PKP3: variants seen among roughly 807,000 people sequenced by gnomAD.
PKP3 encodes plakophilin-3.
In PKP3, 66 loss-of-function variants were observed where a neutral mutation model predicts 76.5. The ratio of observed to expected loss-of-function variants is 0.86; its 90% confidence interval spans 0.71 to 1.06. The LOEUF is 1.06. Among genes scored for constraint, PKP3 ranks in the 50% least tolerant of loss-of-function variants. PKP3 has a pLI of 0.00. For synonymous variants in PKP3, 638 were observed against 516.5 expected (o/e 1.24, Z -3.19); for missense variants, 1,338 against 1,141.0 (o/e 1.17, Z -2.49).
intron 7 of PKP3, 32 bp downstream of exon 7, chr11:400,483 C>T (rs1032511400): frequency 6.6e-7 from 1 of 1,512,384 alleles, no homozygotes; most frequent in South Asian, 1.2e-5. Context: ...AGGGGCCGTG[C>T]CCCCGGGCCG....
Position 396,968 on chromosome 11 carries a change from C to T in PKP3, c.467C>T (p.Pro156Leu), listed in dbSNP as rs775875945. 3 of 1,598,170 alleles carry T rather than the reference C, an allele frequency of 1.9e-6. No homozygotes were observed. Among genetic ancestry groups the T allele is most frequent in the South Asian group, 2.2e-5 (2 of 90,612 alleles). The change falls in exon 3 of 13, where the codon CCC (proline) becomes CTC (leucine). Residue 156 changes from proline (P) to leucine (L), a missense_variant. By Grantham distance (98) the Pro-to-Leu change is moderately conservative. Coordinates refer to ENST00000331563, the MANE Select transcript of PKP3 (RefSeq NM_007183.4). Reference protein sequence around the residue: ...AGYGGAQPTPPMPTRPVSFHE... With the variant: ...AGYGGAQPTPLMPTRPVSFHE... The stretch of plus-strand genomic sequence containing the variant: ...TACGGGGGTGCCCAGCCCACCCCTC[C>T]CATGCCCACCAGGCCCGTGTCCTTC...
chr11:392,661 G>T, upstream of PKP3: 1 of 1,287,024 alleles, frequency 7.8e-7, no homozygotes, highest in Non-Finnish European at 1.0e-6. Flanking sequence ...GTCAGCAGTG[G>T]CCTCTGGGAT....
At chr11:392,669 G>A, upstream of PKP3, 1 of 1,286,998 alleles carries the variant, frequency 7.8e-7, no homozygotes, top group Non-Finnish European at 1.0e-6. Flanking sequence ...TGGCCTCTGG[G>A]ATGAGCTGGG....
intron 6 of PKP3, 55 bp from the exon 7 acceptor site, chr11:400,279 G>T (rs1847129386): frequency 1.4e-6 from 2 of 1,475,794 alleles, no homozygotes; most frequent in Non-Finnish European, 1.8e-6. Flanking sequence ...GATGGGTTGG[G>T]GCAAGGCCCG....
At position 404,405 on chromosome 11, in the gene PKP3, G is replaced by T; in HGVS notation, c.2358+82G>T. The T allele has an allele frequency of 6.8e-7, 1 of 1,469,748 alleles. No homozygotes were observed. The highest frequency in any genetic ancestry group is 9.5e-7 in the Non-Finnish European group (1 of 1,049,986). The allele number at this position is 1,469,748 out of a possible 1,614,324, so 91.0% of individuals were successfully genotyped here. ...GGGGAGGGTCAGTGAAGAGGCCCAT[G>T]GGAGGATGGAGACCAGGGACCCAGA... On this transcript the variant is annotated intron_variant, in intron 12 of 12. Coordinates refer to ENST00000331563, the MANE Select transcript of PKP3 (RefSeq NM_007183.4). This position sits in a 1 kb window ranked among gnomAD's most constrained non-coding sequence, Gnocchi z 4.2.
rs545061960 is a variant in PKP3, at chr11:400,671, G to A, written c.1703G>A (p.Gly568Asp). The A allele has an allele frequency of 2.3e-6, 3 of 1,319,734 alleles. No homozygotes were observed. The highest frequency in any genetic ancestry group is 3.7e-5 in the South Asian group (2 of 54,340). 81.8% of individuals were successfully genotyped at this position (1,319,734 alleles called of 1,614,324 possible). ...LAGAPPGEVV[G>D]CFTPQSRRLR... The stretch of plus-strand genomic sequence containing the variant: ...GGGGCGCCGCCGGGAGAGGTCGTGG[G>A]CTGCTTCACGCCGCAGAGCCGGCGG... The change falls in exon 8 of 13, where the codon GGC (glycine) becomes GAC (aspartate). Residue 568 changes from glycine (G) to aspartate (D), a missense_variant. Gly to Asp is a moderately conservative substitution (Grantham distance 94). Transcript: ENST00000331563.
At chr11:393,140 G>C (rs1240495741), upstream of PKP3, among the ~76,000 whole-genome samples, 5 of 146,960 alleles carry the variant, frequency 3.4e-5, no homozygotes. Flanking sequence ...CCAGAGGCTA[G>C]AGGGCCTCAG....
chr11:400,461 G>A lies in PKP3; in HGVS notation c.1566+10G>A. 1 of 1,536,514 alleles carries A rather than the reference G, an allele frequency of 6.5e-7. No homozygotes were observed. Among genetic ancestry groups the A allele is most frequent in the South Asian group, 1.2e-5 (1 of 83,346 alleles). ...CAAATGCGAGGACAAGGTGAGGGGC[G>A]CGGTGTGGAGGAGGGGCCGTGCCCC... On this transcript the variant is annotated intron_variant, in intron 7 of 12. Coordinates refer to ENST00000331563, the MANE Select transcript of PKP3 (RefSeq NM_007183.4).
rs1847133583 is a variant in PKP3, at chr11:400,451, G to T, written c.1566G>T (p.Lys522Asn). 1.9e-6 allele frequency: 3 copies of T among 1,543,274 alleles called. No homozygotes were observed. Among genetic ancestry groups the T allele is most frequent in the Non-Finnish European group, 2.6e-6 (3 of 1,144,014 alleles). The part of the protein sequence containing the change: ...HALDAGKCED[K>N]SVENAVCVLR... ...TGGACGCGGGCAAATGCGAGGACAAGGTGAGGGGCGCGGTGTGGAGGAGGG... is the reference window on the plus strand; with the variant it reads ...TGGACGCGGGCAAATGCGAGGACAATGTGAGGGGCGCGGTGTGGAGGAGGG... The change falls in exon 7 of 13, where the codon AAG (lysine) becomes AAT (asparagine). Residue 522 changes from lysine (K) to asparagine (N), a missense_variant and splice_region_variant. Transcript: ENST00000331563.
At position 399,713 on chromosome 11, in the gene PKP3, GTGGTTT is replaced by G. The variant is rs1336569653; in HGVS notation, c.1274-251_1274-246del. On this transcript the variant is annotated intron_variant, in intron 5 of 12. Transcript: ENST00000331563. ...CCTGGACCCCCGGCCACCCTGTCCT[GTGGTTT>G]TGTCTCCTTGGAGCCGCCTGCACTG... 2.0e-5 allele frequency among the ~76,000 whole-genome samples: 3 copies of G among 150,064 alleles called. No homozygotes were observed. The East Asian group carries it at 6.0e-4, about 30-fold the overall frequency.
At chr11:396,199 G>A in intron 1 of PKP3, 1 of 189,764 alleles carries the variant, frequency 5.3e-6, no homozygotes, top group Non-Finnish European at 1.1e-5. Context: ...TGAGGTTTGG[G>A]CACAGGAGGG....
chr11:404,339 C>G lies in PKP3; in HGVS notation c.2358+16C>G. The G allele has an allele frequency of 6.2e-7, 1 of 1,606,860 alleles. No homozygotes were observed. ...CTTCCGGGCGGTACGTTTCCCGAGC[C>G]CAGGGCAAGCAGGGACCCGGGTGCA... is the stretch of plus-strand genomic sequence containing the variant. On this transcript the variant is annotated intron_variant, in intron 12 of 12. Coordinates refer to ENST00000331563, the MANE Select transcript of PKP3 (RefSeq NM_007183.4). This position sits in a 1 kb window ranked among gnomAD's most constrained non-coding sequence, Gnocchi z 4.2.
At chr11:394,202 G>A, upstream of PKP3, 1 of 1,381,322 alleles carries the variant, frequency 7.2e-7, no homozygotes, top group African/African-American at 1.5e-5. Flanking sequence ...GGCTGGGCGG[G>A]GACTTCAGGG....
chr11:397,604 T>A lies in PKP3; in HGVS notation c.1010T>A (p.Val337Glu), dbSNP rs753442379. The A allele has an allele frequency of 6.2e-7, 1 of 1,612,064 alleles. No homozygotes were observed. Among genetic ancestry groups the A allele is most frequent in the Non-Finnish European group, 8.5e-7 (1 of 1,179,526 alleles). The change falls in exon 4 of 13, where the codon GTG (valine) becomes GAG (glutamate). Residue 337 changes from valine to glutamate, a missense_variant. Transcript: ENST00000331563. Reference sequence around the variant, plus strand: ...ATGGCTTCAGACCCCAACCTGCAGGTGCTGGGAGCGGCCTACATCCAGCAC... The same window carrying A: ...ATGGCTTCAGACCCCAACCTGCAGGAGCTGGGAGCGGCCTACATCCAGCAC... ...YLMASDPNLQ[V>E]LGAAYIQHKC...
In PKP3 at chr11:397,331, G is replaced by A. The variant is rs200371913; in HGVS notation, c.830G>A (p.Arg277Gln). The change falls in exon 3 of 13, where the codon CGA becomes CAA. Residue 277 changes from arginine to glutamine, a missense_variant. Physicochemically the swap from Arg to Gln is conservative, Grantham distance 43. Coordinates refer to ENST00000331563, the MANE Select transcript of PKP3 (RefSeq NM_007183.4). The part of the protein sequence containing the change: ...VPGAVLEPVA[R>Q]APSVRSLSLS... ...GGGGCCGTCCTGGAGCCAGTGGCTC[G>A]AGCGCCATCTGTGCGCAGCCTCAGC... is the stretch of plus-strand genomic sequence containing the variant. The A allele has an allele frequency of 8.2e-5, 129 of 1,571,530 alleles. No individual in the cohort carries two copies. The highest frequency in any genetic ancestry group is 2.4e-4 in the South Asian group (21 of 87,680).
At chr11:400,801 C>T (rs1260155462) in intron 8 of PKP3, 96 bp downstream of exon 8, 1 of 559,046 alleles carries the variant, frequency 1.8e-6, no homozygotes, top group African/African-American at 2.4e-5. Context: ...ACCCCCGCCC[C>T]GCTCACCCCG....
chr11:397,334 C>G lies in PKP3; in HGVS notation c.833C>G (p.Ala278Gly). 2 of 1,578,466 alleles carry G rather than the reference C, an allele frequency of 1.3e-6. No individual in the cohort carries two copies. The highest frequency in any genetic ancestry group is 1.7e-6 in the Non-Finnish European group (2 of 1,165,714). ...GCCGTCCTGGAGCCAGTGGCTCGAG[C>G]GCCATCTGTGCGCAGCCTCAGCCTC... Reference protein sequence around the residue: ...PGAVLEPVARAPSVRSLSLSL... With the variant: ...PGAVLEPVARGPSVRSLSLSL... Residue 278 changes from alanine to glycine, a missense_variant, in exon 3 of 13, where the codon GCG becomes GGG. Coordinates refer to ENST00000331563, the MANE Select transcript of PKP3 (RefSeq NM_007183.4).
chr11:397,915 AC>A lies in PKP3; in HGVS notation c.1068+255del, dbSNP rs1417990079. On this transcript the variant is annotated intron_variant, in intron 4 of 12. Transcript: ENST00000331563. ...CCGTACACCCGCACACACCTGCGTCACCTCCGTACCCCCACATATACCTCAT... is the reference window on the plus strand; with the variant it reads ...CCGTACACCCGCACACACCTGCGTCACTCCGTACCCCCACATATACCTCAT... 43 of 458,490 alleles carry A rather than the reference AC, an allele frequency of 9.4e-5. 1 individual carries two copies. The highest frequency in any genetic ancestry group is 1.6e-4 in the Non-Finnish European group (40 of 254,828). The allele number at this position is 458,490 out of a possible 1,614,324, so 28.4% of individuals were successfully genotyped here.
upstream of PKP3, chr11:392,632 A>C: frequency 7.8e-7 from 1 of 1,286,060 alleles, no homozygotes; most frequent in Non-Finnish European, 1.0e-6. Context: ...CCAGGGATGG[A>C]GTCCTGGACA....
Sources: gnomAD v4.1 joint callset for allele counts (sites outside exome capture counted in the v4.1 genomes callset) on GRCh38, gnomAD v4.1.1 for gene constraint, Gnocchi (gnomAD v3.1) non-coding constraint, MANE v1.5 for transcripts, NCBI Gene and HGNC (gene_info 2026-07-23, HGNC 2026-07-21) for gene names.